GPHN: variants seen among roughly 807,000 people sequenced by gnomAD.
GPHN encodes the protein gephyrin.
Under a neutral mutation model 95.5 loss-of-function variants are expected in GPHN, and 17 were observed. The observed-to-expected ratio is 0.18, with a 90% CI of 0.12 to 0.27. The LOEUF is 0.27. Ranked by LOEUF, GPHN falls within the 10% of genes least tolerant of loss-of-function variation. The pLI is 1.00. For synonymous variants in GPHN, 320 were observed against 322.5 expected, an observed-to-expected ratio of 0.99 and a Z score of 0.08; for missense variants, 660 against 978.1, an observed-to-expected ratio of 0.67 and a Z score of 4.34.
chr14:66,517,812 A>C (rs2058309661), intron 1 of GPHN, among the ~76,000 whole-genome samples: 1 of 152,170 alleles, frequency 6.6e-6, no homozygotes. Context: ...AAAGACCTAC[A>C]TGTAAGACAG....
intron 2 of GPHN, among the ~76,000 whole-genome samples, chr14:66,690,062 TA>T (rs1251927402): frequency 3.3e-5 from 5 of 152,098 alleles, no homozygotes; most frequent in African/African-American, 7.2e-5. Flanking sequence ...TCAGCTTGGA[TA>T]TTTTTTATTT....
intron 4 of GPHN, among the ~76,000 whole-genome samples, chr14:66,829,651 G>C (rs910970191): frequency 1.3e-5 from 2 of 152,086 alleles, no homozygotes; most frequent in African/African-American, 4.8e-5. Flanking sequence ...TACTTTTAGA[G>C]CACTAAGCTG....
At chr14:67,220,913 T>G in the GPHN span, among the ~76,000 whole-genome samples, 1 of 152,230 alleles carries the variant, frequency 6.6e-6, no homozygotes, top group African/African-American at 2.4e-5. Flanking sequence ...TGGACCACAA[T>G]TATGTCTTTG....
At chr14:67,412,378 G>T in the GPHN span, among the ~76,000 whole-genome samples, 3 of 152,210 alleles carry the variant, frequency 2.0e-5, no homozygotes, top group African/African-American at 7.2e-5. Flanking sequence ...TCTGCTCAGC[G>T]TCCTTCGCCA....
At chr14:67,440,751 G>GAA in the GPHN span, among the ~76,000 whole-genome samples, 46,994 of 146,020 alleles carry the variant, frequency 0.32, 7,530 homozygotes, top group Middle Eastern at 0.41. Flanking sequence ...GTCTCAGAGT[G>GAA]AAAAAAAAAA....
chr14:67,173,813 C>G (rs2082735522), intron 21 of GPHN, among the ~76,000 whole-genome samples: 1 of 151,734 alleles, frequency 6.6e-6, no homozygotes, highest in Non-Finnish European at 1.5e-5. Context: ...TCAACAGAAT[C>G]AGGAAAACAA....
chr14:67,466,852 G>A, the GPHN span, among the ~76,000 whole-genome samples: 18 of 151,902 alleles, frequency 1.2e-4, no homozygotes, highest in Non-Finnish European at 2.2e-4. Context: ...ATAATTAGCC[G>A]AGCATGGTGG....
chr14:66,879,931 A>G lies in GPHN; in HGVS notation c.295-8A>G, dbSNP rs2153533803. 2 of 1,579,974 alleles carry G rather than the reference A, an allele frequency of 1.3e-6. No individual in the cohort carries two copies. Among genetic ancestry groups the G allele is most frequent in the Admixed American group, 3.3e-5 (2 of 59,790 alleles). ...TCACTCAGTCTGCTATTTAATCTTT[A>G]ATTACAGGCCACAAAAGAAGTAATA... On this transcript the variant is annotated splice_polypyrimidine_tract_variant and splice_region_variant and intron_variant, in intron 4 of 22. Transcript: ENST00000478722.
At chr14:66,697,183 A>G (rs1199451693) in intron 2 of GPHN, among the ~76,000 whole-genome samples, 3 of 152,232 alleles carry the variant, frequency 2.0e-5, no homozygotes, top group Non-Finnish European at 2.9e-5. Context: ...GAGGCATTTT[A>G]TAGTTAATCT....
intron 3 of GPHN, among the ~76,000 whole-genome samples, chr14:66,791,962 C>G (rs546553310): frequency 8.5e-5 from 13 of 152,252 alleles, no homozygotes; most frequent in African/African-American, 3.1e-4. Context: ...AAAGTCACAT[C>G]TTACATGGTG....
chr14:67,395,724 C>A, the GPHN span: 1 of 635,366 alleles, frequency 1.6e-6, no homozygotes, highest in Non-Finnish European at 2.8e-6. Flanking sequence ...AGCAGGTAGT[C>A]TTTAAAGATT....
the GPHN span, among the ~76,000 whole-genome samples, chr14:67,489,186 A>G: frequency 2.0e-5 from 3 of 152,174 alleles, no homozygotes; most frequent in Non-Finnish European, 4.4e-5. Flanking sequence ...AAGGGCAGAA[A>G]TGGTCACCTC....
At chr14:67,076,435 A>G (rs1341755853) in intron 11 of GPHN, among the ~76,000 whole-genome samples, 1 of 152,188 alleles carries the variant, frequency 6.6e-6, no homozygotes, top group African/African-American at 2.4e-5. Context: ...CAATATCTCT[A>G]AAGTATCCCT....
At chr14:67,493,985 T>C in the GPHN span, among the ~76,000 whole-genome samples, 5 of 152,174 alleles carry the variant, frequency 3.3e-5, no homozygotes, top group Non-Finnish European at 4.4e-5. Context: ...CAATCGGTAC[T>C]GTTCCTTTCC....
chr14:67,383,178 T>C, the GPHN span: 1 of 909,978 alleles, frequency 1.1e-6, no homozygotes, highest in Non-Finnish European at 1.6e-6. Context: ...TGCTGATAAG[T>C]CACTCAAAAG....
At chr14:67,656,072 C>T in the GPHN span, among the ~76,000 whole-genome samples, 1 of 151,940 alleles carries the variant, frequency 6.6e-6, no homozygotes, top group Non-Finnish European at 1.5e-5. Context: ...ATGGCGAAAC[C>T]CCATCTCTAC....
At chr14:67,015,607 G>T (rs1374838958) in intron 9 of GPHN, among the ~76,000 whole-genome samples, 2 of 152,090 alleles carry the variant, frequency 1.3e-5, no homozygotes, top group Non-Finnish European at 2.9e-5. Flanking sequence ...TGAGGCAGGA[G>T]AGTTGCTTGA....
At chr14:66,625,292 C>T (rs922529546) in intron 1 of GPHN, among the ~76,000 whole-genome samples, 40 of 152,224 alleles carry the variant, frequency 2.6e-4, no homozygotes, top group African/African-American at 9.6e-4. Flanking sequence ...CCAAGGGTCT[C>T]GAACTCCTGG....
chr14:66,816,428 A>C (rs1308675964), intron 3 of GPHN, among the ~76,000 whole-genome samples: 1 of 152,196 alleles, frequency 6.6e-6, no homozygotes, highest in African/African-American at 2.4e-5. Context: ...GGAAATACAA[A>C]AGAACTGAAA....
Sources: gnomAD v4.1 joint callset for allele counts (sites outside exome capture counted in the v4.1 genomes callset) on GRCh38, gnomAD v4.1.1 for gene constraint, MANE v1.5 for transcripts, NCBI Gene and HGNC (gene_info 2026-07-23, HGNC 2026-07-21) for gene names.